The following MYO15A variants were observed in gnomAD, a reference collection of about 807,000 sequenced individuals.
The protein encoded by MYO15A is myosin XVA.
In MYO15A, 308 loss-of-function variants were observed where a neutral mutation model predicts 394.6. That is an observed-to-expected ratio of 0.78 (90% CI 0.71 to 0.86). The LOEUF (loss-of-function observed/expected upper bound fraction) is 0.86. Among genes scored for constraint, MYO15A ranks in the 40% least tolerant of loss-of-function variants. The pLI is 0.00. For missense variants in MYO15A, 4,606 were observed against 4,799.1 expected (o/e 0.96, Z 1.19); for synonymous variants, 1,957 against 2,003.8 (o/e 0.98, Z 0.62).
rs750964756 is a variant in MYO15A, at chr17:18,157,085, G to GCT, written c.8713+21_8713+22dup. ...GAGTGGGTCAGTGCCACTGGGGTGG[G>GCT]CTGGGGGCAGGAGGGGGAGGCTGGC... is the stretch of plus-strand genomic sequence containing the variant. On this transcript the variant is annotated intron_variant, in intron 49 of 65. Coordinates refer to ENST00000647165, the MANE Select transcript of MYO15A (RefSeq NM_016239.4). 1 of 1,613,416 alleles carries GCT rather than the reference G, an allele frequency of 6.2e-7. No homozygotes were observed. The highest frequency in any genetic ancestry group is 8.5e-7 in the Non-Finnish European group (1 of 1,179,768).
chr17:18,122,120 G>T lies in MYO15A; in HGVS notation c.3320G>T (p.Arg1107Leu). The T allele has an allele frequency of 1.2e-6, 2 of 1,612,920 alleles. No homozygotes were observed. The highest frequency in any genetic ancestry group is 1.1e-5 in the South Asian group (1 of 91,090). Residue 1107 changes from arginine (R) to leucine (L), a missense_variant, in exon 2 of 66, where the codon CGC (arginine) becomes CTC (leucine). Coordinates refer to ENST00000647165, the MANE Select transcript of MYO15A (RefSeq NM_016239.4). ...CCCCTGCCCAAGGGGGGTGAACGGC[G>T]CCAGGCAGCCCCTGGGCGTTTTGCT... ...PEPLPKGGER[R>L]QAAPGRFAVV...
chr17:18,172,701 G>C (rs1360210176), intron 64 of MYO15A: 1 of 346,324 alleles, frequency 2.9e-6, no homozygotes, highest in Non-Finnish European at 5.6e-6. Context: ...TCCTCACTGT[G>C]TCCTCACATG....
At position 18,150,664 on chromosome 17, in the gene MYO15A, G is replaced by A. The variant is rs145241461; in HGVS notation, c.7328-34G>A. ...AGAGGACAGGGAGGAGGGCATCTCC[G>A]GTGCCATCTGTGCCTTCTGCCCCCT... On this transcript the variant is annotated intron_variant, in intron 36 of 65. Transcript: ENST00000647165. This position sits in a 1 kb window ranked among gnomAD's most constrained non-coding sequence, Gnocchi z 4.4. 81 of 1,592,270 alleles carry A rather than the reference G, an allele frequency of 5.1e-5. No homozygotes were observed. In the African/African-American group the frequency reaches 7.7e-4, roughly 15 times the overall value.
At chr17:18,155,542 C>G (rs2046661815) in intron 47 of MYO15A, 110 bp downstream of exon 47, 3 of 1,055,810 alleles carry the variant, frequency 2.8e-6, no homozygotes, top group Non-Finnish European at 4.3e-6. Flanking sequence ...GCGCCAGGCT[C>G]TGTGCCAAGC....
rs906246789 is a variant in MYO15A, at chr17:18,136,345, T to C, written c.4597-72T>C. 3.2e-6 allele frequency: 5 copies of C among 1,579,886 alleles called. No homozygotes were observed. The Admixed American group carries it at 5.0e-5, about 16-fold the overall frequency. On this transcript the variant is annotated intron_variant, in intron 13 of 65. Coordinates refer to ENST00000647165, the MANE Select transcript of MYO15A (RefSeq NM_016239.4). ...CTCCCTTCTCCATGATCCCACTCCC[T>C]TAGTCCCCTGGGGGCTTTCCGGAGG...
rs771497694 is a variant in MYO15A, at chr17:18,163,338, C to G, written c.9690+17C>G. ...ACATGCACTGTAAGTGAAGAAATGT[C>G]TCCTGCAGCCAGGTACTGGAGGGGC... On this transcript the variant is annotated intron_variant, in intron 59 of 65. Coordinates refer to ENST00000647165, the MANE Select transcript of MYO15A (RefSeq NM_016239.4). 79 of 1,612,440 alleles carry G rather than the reference C, an allele frequency of 4.9e-5. 1 individual carries two copies. The South Asian group carries it at 8.5e-4, about 17-fold the overall frequency.
Position 18,130,817 on chromosome 17 carries a change from AGTGTGTGTGTGTGTGTGTGT to A in MYO15A, c.4038+42_4038+61del, listed in dbSNP as rs59214589. The A allele has an allele frequency of 6.5e-5, 78 of 1,192,884 alleles. No individual in the cohort carries two copies. The highest frequency in any genetic ancestry group is 4.0e-4 in the African/African-American group (19 of 47,696). 73.9% of individuals were successfully genotyped at this position (1,192,884 alleles called of 1,614,324 possible). On this transcript the variant is annotated splice_region_variant and intron_variant, in intron 8 of 65. Coordinates refer to ENST00000647165, the MANE Select transcript of MYO15A (RefSeq NM_016239.4). ...GACGCTCTTGAAGATAAAGGTACTC[AGTGTGTGTGTGTGTGTGTGT>A]GTGTGTGTGTGTGTGTGTGTGTGTG... is the stretch of plus-strand genomic sequence containing the variant.
intron 65 of MYO15A, chr17:18,178,499 G>C: frequency 1.7e-6 from 1 of 581,732 alleles, no homozygotes; most frequent in East Asian, 3.1e-5. Flanking sequence ...GAGGTGAAGC[G>C]ATAGACCCTG....
intron 65 of MYO15A, among the ~76,000 whole-genome samples, chr17:18,174,315 G>A (rs2046983341): frequency 1.3e-5 from 2 of 152,120 alleles, no homozygotes; most frequent in African/African-American, 4.8e-5. Flanking sequence ...TAGCAACTGT[G>A]GCTGTTACTT....
intron 62 of MYO15A, among the ~76,000 whole-genome samples, chr17:18,169,952 C>G (rs1426372513): frequency 9.6e-6 from 1 of 104,696 alleles, no homozygotes; most frequent in African/African-American, 4.1e-5. Flanking sequence ...GCCTAGGTAA[C>G]AGAGCAAGAC....
intron 1 of MYO15A, among the ~76,000 whole-genome samples, chr17:18,116,649 C>T (rs771314516): frequency 5.3e-5 from 7 of 133,154 alleles, no homozygotes; most frequent in Non-Finnish European, 9.8e-5. Flanking sequence ...GGCTGGGCGC[C>T]GTGGCTCACA....
intron 3 of MYO15A, 55 bp from the exon 4 acceptor site, chr17:18,125,113 C>A: frequency 6.4e-7 from 1 of 1,553,516 alleles, no homozygotes; most frequent in Non-Finnish European, 8.9e-7. Context: ...GGGAGGGAGA[C>A]CCATGCCAGA....
chr17:18,120,909 C>G lies in MYO15A; in HGVS notation c.2109C>G (p.Pro703=). The G allele has an allele frequency of 7.0e-7, 1 of 1,435,946 alleles. No individual in the cohort carries two copies. Among genetic ancestry groups the G allele is most frequent in the South Asian group, 1.3e-5 (1 of 74,712 alleles). The allele number at this position is 1,435,946 out of a possible 1,614,324, so 89.0% of individuals were successfully genotyped here. Residue 703 remains proline, a synonymous_variant, in exon 2 of 66, where the codon CCC becomes CCG. Coordinates refer to ENST00000647165, the MANE Select transcript of MYO15A (RefSeq NM_016239.4). ...GCTCCCTCCGCCGCCACCCGCCGCCCTGGGCCGCCCCAGCGCACGTGCCAC... is the reference window on the plus strand; with the variant it reads ...GCTCCCTCCGCCGCCACCCGCCGCCGTGGGCCGCCCCAGCGCACGTGCCAC... ...PYGSLRRHPP[P]WAAPAHVPPA... is the part of the protein sequence containing the mutation.
At chr17:18,144,717 A>AG (rs1400614041) in intron 29 of MYO15A, 125 bp downstream of exon 29, 13 of 849,446 alleles carry the variant, frequency 1.5e-5, no homozygotes, top group Admixed American at 4.0e-5. Context: ...TCTTCCCCAA[A>AG]GGACAGACTT....
At chr17:18,145,846 C>G (rs1239373368) in intron 29 of MYO15A, 26 bp from the exon 30 acceptor site, 2 of 1,609,732 alleles carry the variant, frequency 1.2e-6, no homozygotes, top group Non-Finnish European at 1.7e-6. Context: ...TTCTGAGATG[C>G]CCAGGAGACT....
At chr17:18,114,270 G>C in intron 1 of MYO15A, among the ~76,000 whole-genome samples, 1 of 27,298 alleles carries the variant, frequency 3.7e-5, no homozygotes, top group Non-Finnish European at 1.3e-4. Flanking sequence ...TTTTTTTTGA[G>C]ACGGAGTTTT....
intron 47 of MYO15A, 40 bp downstream of exon 47, chr17:18,155,472 G>A (rs554677315): frequency 6.5e-7 from 1 of 1,545,660 alleles, no homozygotes; most frequent in Non-Finnish European, 8.9e-7. Context: ...TGGAGACTGG[G>A]ATACAGACTG....
In MYO15A at chr17:18,131,503, T is replaced by C. The variant is rs755138870; in HGVS notation, c.4178T>C (p.Leu1393Pro). 5 of 1,613,774 alleles carry C rather than the reference T, an allele frequency of 3.1e-6. No individual in the cohort carries two copies. Among genetic ancestry groups the C allele is most frequent in the Non-Finnish European group, 4.2e-6 (5 of 1,179,960 alleles). The change falls in exon 10 of 66, where the codon CTG becomes CCG. Residue 1393 changes from leucine (L) to proline (P), a missense_variant. Physicochemically the swap from Leu to Pro is moderately conservative, Grantham distance 98 (BLOSUM62 -3). Transcript: ENST00000647165. ...VISGAITSQY[L>P]LEKSRIVFQA... Reference sequence around the variant, plus strand: ...TCTGGTGCCATAACCTCCCAGTACCTGCTTGAGAAATCCAGGATCGTGTTT... The same window carrying C: ...TCTGGTGCCATAACCTCCCAGTACCCGCTTGAGAAATCCAGGATCGTGTTT...
At chr17:18,141,193 C>T (rs2046373382) in intron 22 of MYO15A, 50 bp downstream of exon 22, 1 of 1,609,608 alleles carries the variant, frequency 6.2e-7, no homozygotes, top group Non-Finnish European at 8.5e-7. Context: ...TGCCCAACTC[C>T]CCATGGCCCC....
Sources: gnomAD v4.1 joint callset for allele counts (sites outside exome capture counted in the v4.1 genomes callset) on GRCh38, gnomAD v4.1.1 for gene constraint, Gnocchi (gnomAD v3.1) non-coding constraint, MANE v1.5 for transcripts, NCBI Gene and HGNC (gene_info 2026-07-23, HGNC 2026-07-21) for gene names.